The following MSH3 variants were observed in gnomAD, a reference collection of about 807,000 sequenced individuals.
MSH3 encodes DNA mismatch repair protein Msh3.
Under a neutral mutation model 123.3 loss-of-function variants are expected in MSH3, and 106 were observed. The ratio of observed to expected loss-of-function variants is 0.86; its 90% confidence interval spans 0.73 to 1.01. The LOEUF (loss-of-function observed/expected upper bound fraction) is 1.01, where lower values mean the gene tolerates loss of function less well. Among genes scored for constraint, MSH3 ranks in the 50% least tolerant of loss-of-function variants. The pLI, the probability that MSH3 is intolerant of heterozygous loss-of-function variation, is 0.00. For synonymous variants in MSH3, 515 were observed against 481.4 expected, an observed-to-expected ratio of 1.07 and a Z score of -0.91; for missense variants, 1,459 against 1,347.6, an observed-to-expected ratio of 1.08 and a Z score of -1.29.
intron 9 of MSH3, among the ~76,000 whole-genome samples, chr5:80,727,781 G>A (rs186806114): frequency 5.9e-5 from 9 of 152,126 alleles, no homozygotes; most frequent in Non-Finnish European, 1.3e-4. Context: ...GTAAACTAGT[G>A]TGTTAGAAGG....
At chr5:80,874,417 A>G (rs191079791) in intron 23 of MSH3, among the ~76,000 whole-genome samples, 44 of 152,322 alleles carry the variant, frequency 2.9e-4, no homozygotes, top group African/African-American at 9.4e-4. Flanking sequence ...CCAAATTGCA[A>G]TGCCAAAACA....
intron 17 of MSH3, among the ~76,000 whole-genome samples, chr5:80,781,929 A>G (rs1455862825): frequency 6.6e-6 from 1 of 152,184 alleles, no homozygotes; most frequent in Non-Finnish European, 1.5e-5. Flanking sequence ...TAAATATAAC[A>G]TCATAGAAGC....
chr5:80,692,455 GATAAACATGTATATGTTTAGAT>G lies in MSH3; in HGVS notation c.1340+13364_1340+13385del, dbSNP rs1279004229. Among the ~76,000 whole-genome samples the G allele has an allele frequency of 2.5e-4, 11 of 44,684 alleles. 1 individual carries two copies. The highest frequency in any genetic ancestry group is 5.0e-4 in the Admixed American group (2 of 4,036). 29.3% of individuals were successfully genotyped at this position (44,684 alleles called of 152,430 possible). On this transcript the variant is annotated intron_variant, in intron 8 of 23. Coordinates refer to ENST00000265081, the MANE Select transcript of MSH3 (RefSeq NM_002439.5). ...AGATAAACATGTATATGTTTAGATA[GATAAACATGTATATGTTTAGAT>G]AGATAAACATGTATATGTTTAGATA...
At chr5:80,810,085 A>G (rs529901292) in intron 19 of MSH3, among the ~76,000 whole-genome samples, 1 of 150,368 alleles carries the variant, frequency 6.7e-6, no homozygotes, top group Non-Finnish European at 1.5e-5. Flanking sequence ...CTTTTTCTCC[A>G]TCTTCATCTC....
At chr5:80,705,945 T>C (rs1476412146) in intron 8 of MSH3, among the ~76,000 whole-genome samples, 1 of 152,220 alleles carries the variant, frequency 6.6e-6, no homozygotes, top group Non-Finnish European at 1.5e-5. Flanking sequence ...ATTTGAATGT[T>C]ATAGGGACAT....
chr5:80,834,374 A>T (rs866115183), intron 20 of MSH3, among the ~76,000 whole-genome samples: 3 of 150,314 alleles, frequency 2.0e-5, no homozygotes, highest in East Asian at 1.9e-4. Flanking sequence ...TTAAATATTT[A>T]AAAAGTTCTA....
chr5:80,825,249 A>G (rs1050139860), intron 20 of MSH3, among the ~76,000 whole-genome samples: 51 of 152,074 alleles, frequency 3.4e-4, no homozygotes, highest in African/African-American at 1.1e-3. Flanking sequence ...GTTGTCCTTG[A>G]CTTTGGTATC....
At chr5:80,818,611 A>C (rs1745148454) in intron 20 of MSH3, among the ~76,000 whole-genome samples, 1 of 152,148 alleles carries the variant, frequency 6.6e-6, no homozygotes, top group South Asian at 2.1e-4. Flanking sequence ...GAATTACTTA[A>C]AAAAATGTTT....
intron 8 of MSH3, among the ~76,000 whole-genome samples, chr5:80,716,095 A>G (rs575254206): frequency 3.0e-4 from 45 of 152,336 alleles, no homozygotes; most frequent in Non-Finnish European, 6.2e-4. Context: ...AAGCATTTTT[A>G]AAAGTGATCA....
chr5:80,801,109 G>C lies in MSH3; in HGVS notation c.2655+8265G>C, dbSNP rs139707108. On this transcript the variant is annotated intron_variant, in intron 19 of 23. Coordinates refer to ENST00000265081, the MANE Select transcript of MSH3 (RefSeq NM_002439.5). ...GTGGAGGGTGGTAGAAGAATGGATC[G>C]GAGGCAGACATGGCCTTTAGACTGT... 2.0e-5 allele frequency among the ~76,000 whole-genome samples: 3 copies of C among 152,352 alleles called. No individual in the cohort carries two copies. The South Asian group carries it at 6.2e-4, about 32-fold the overall frequency.
At chr5:80,783,949 C>T (rs1474879504) in intron 17 of MSH3, among the ~76,000 whole-genome samples, 1 of 151,974 alleles carries the variant, frequency 6.6e-6, no homozygotes, top group Non-Finnish European at 1.5e-5. Flanking sequence ...GTGGCTCATG[C>T]CTGTAATCCC....
chr5:80,794,371 T>G (rs1046199573), intron 19 of MSH3, among the ~76,000 whole-genome samples: 1 of 152,034 alleles, frequency 6.6e-6, no homozygotes, highest in Admixed American at 6.6e-5. Flanking sequence ...AACTTCTAAG[T>G]AGGGAGGGTG....
chr5:80,827,752 G>C (rs564609747), intron 20 of MSH3, among the ~76,000 whole-genome samples: 1 of 152,192 alleles, frequency 6.6e-6, no homozygotes, highest in South Asian at 2.1e-4. Flanking sequence ...CCTTTAATTA[G>C]CTTCCTCAAA....
Position 80,654,685 on chromosome 5 carries a change from T to C in MSH3, c.-43T>C, listed in dbSNP as rs1205411516. 1 of 1,552,118 alleles carries C rather than the reference T, an allele frequency of 6.4e-7. No individual in the cohort carries two copies. The highest frequency in any genetic ancestry group is 1.8e-5 in the Admixed American group (1 of 55,836). On this transcript the variant is annotated 5_prime_UTR_variant, in exon 1 of 24. Coordinates refer to ENST00000265081, the MANE Select transcript of MSH3 (RefSeq NM_002439.5). ...GGGAACTGCGGCCGCGGGCTCGCGCTCCTCGCCAGGCCCTGCCGCCGGGCT... is the reference window on the plus strand; with the variant it reads ...GGGAACTGCGGCCGCGGGCTCGCGCCCCTCGCCAGGCCCTGCCGCCGGGCT...
At chr5:80,811,220 G>A (rs553852322) in intron 19 of MSH3, among the ~76,000 whole-genome samples, 1 of 152,140 alleles carries the variant, frequency 6.6e-6, no homozygotes, top group Admixed American at 6.5e-5. Flanking sequence ...TAGGAATAAT[G>A]AGTTTTATTA....
At chr5:80,780,792 G>A (rs563486860) in intron 17 of MSH3, among the ~76,000 whole-genome samples, 6 of 152,048 alleles carry the variant, frequency 3.9e-5, no homozygotes, top group Non-Finnish European at 8.8e-5. Flanking sequence ...CACTTGAACC[G>A]GGGAGGCGGA....
At chr5:80,662,963 A>G (rs1749473326) in intron 2 of MSH3, among the ~76,000 whole-genome samples, 4 of 152,204 alleles carry the variant, frequency 2.6e-5, no homozygotes, top group Admixed American at 2.0e-4. Context: ...AGCCAGGAGC[A>G]GTGGCTCACA....
At chr5:80,662,656 G>A (rs958733442) in intron 2 of MSH3, among the ~76,000 whole-genome samples, 1 of 151,796 alleles carries the variant, frequency 6.6e-6, no homozygotes, top group African/African-American at 2.4e-5. Flanking sequence ...ATGAAACCCC[G>A]TCTCTACTAA....
chr5:80,842,172 C>T (rs1408055089), intron 20 of MSH3, among the ~76,000 whole-genome samples: 1 of 152,118 alleles, frequency 6.6e-6, no homozygotes, highest in Non-Finnish European at 1.5e-5. Context: ...AATCCTTTCC[C>T]CATTGCTTGT....
Sources: gnomAD v4.1 joint callset for allele counts (sites outside exome capture counted in the v4.1 genomes callset) on GRCh38, gnomAD v4.1.1 for gene constraint, MANE v1.5 for transcripts, NCBI Gene and HGNC (gene_info 2026-07-23, HGNC 2026-07-21) for gene names.